The following PARN variants were observed in gnomAD, a reference collection of about 807,000 sequenced individuals.
PARN encodes poly(A)-specific ribonuclease.
Under a neutral mutation model 102.8 loss-of-function variants are expected in PARN, and 71 were observed. That is an observed-to-expected ratio of 0.69 (90% CI 0.57 to 0.84). PARN has a LOEUF of 0.84. Ranked by LOEUF, PARN falls within the 40% of genes least tolerant of loss-of-function variation. PARN has a pLI of 0.00. For missense variants in PARN, 782 were observed against 760.9 expected, an observed-to-expected ratio of 1.03 and a Z score of -0.33; for synonymous variants, 261 against 252.9, an observed-to-expected ratio of 1.03 and a Z score of -0.30.
chr16:14,586,512 T>C (rs951190100), intron 13 of PARN, among the ~76,000 whole-genome samples, 151 bp from the exon 14 acceptor site: 15 of 152,052 alleles, frequency 9.9e-5, no homozygotes, highest in Admixed American at 7.9e-4. Flanking sequence ...AGTTAACAAG[T>C]ACAAAAAAAA....
intron 21 of PARN, among the ~76,000 whole-genome samples, chr16:14,494,515 G>A (rs1181945312): frequency 2.6e-5 from 4 of 152,212 alleles, no homozygotes; most frequent in Non-Finnish European, 5.9e-5. Flanking sequence ...AATTCTGGAG[G>A]TGGGGAACTG....
intron 22 of PARN, among the ~76,000 whole-genome samples, chr16:14,452,013 C>T (rs1961486302): frequency 6.6e-6 from 1 of 151,974 alleles, no homozygotes; most frequent in African/African-American, 2.4e-5. Context: ...GACCAGCCCA[C>T]TGCACTCCAG....
At chr16:14,577,327 A>C (rs962336583) in intron 18 of PARN, among the ~76,000 whole-genome samples, 1 of 152,204 alleles carries the variant, frequency 6.6e-6, no homozygotes, top group Non-Finnish European at 1.5e-5. Context: ...ATCCTAAATC[A>C]CCTGCAAGTA....
At chr16:14,464,183 CCA>C in intron 22 of PARN, among the ~76,000 whole-genome samples, 1 of 152,002 alleles carries the variant, frequency 6.6e-6, no homozygotes, top group Non-Finnish European at 1.5e-5. Flanking sequence ...ATCCAGAAAT[CCA>C]AGAAGCTCAG....
chr16:14,621,098 A>G (rs1972267384), intron 5 of PARN, among the ~76,000 whole-genome samples: 1 of 152,244 alleles, frequency 6.6e-6, no homozygotes, highest in Non-Finnish European at 1.5e-5. Flanking sequence ...AGGCTTTTAT[A>G]CTTTACAACA....
At chr16:14,587,584 A>C (rs1969937871) in intron 13 of PARN, among the ~76,000 whole-genome samples, 1 of 152,182 alleles carries the variant, frequency 6.6e-6, no homozygotes, top group Admixed American at 6.5e-5. Flanking sequence ...TTCTCCTGTA[A>C]CAGCCTCTCA....
intron 5 of PARN, among the ~76,000 whole-genome samples, chr16:14,621,127 C>G (rs557513036): frequency 1.2e-4 from 18 of 152,142 alleles, no homozygotes; most frequent in Admixed American, 9.8e-4. Context: ...TTCCCTACCC[C>G]CACTTCTTTT....
Position 14,610,738 on chromosome 16 carries a change from T to A in PARN, c.460A>T (p.Asn154Tyr), listed in dbSNP as rs1033828257. 1.9e-6 allele frequency: 3 copies of A among 1,608,116 alleles called. No homozygotes were observed. The highest frequency in any genetic ancestry group is 2.6e-6 in the Non-Finnish European group (3 of 1,174,578). The change falls in exon 7 of 24, where the codon AAT (asparagine) becomes TAT (tyrosine). Residue 154 changes from asparagine (N) to tyrosine (Y), a missense_variant. Transcript: ENST00000437198. The part of the protein sequence containing the change: ...EQYDEKRSQA[N>Y]GAGALSYVSP... The stretch of plus-strand genomic sequence containing the variant: ...ACATAGGACAGAGCTCCTGCACCAT[T>A]CGCCTGTGAACGTTTTTCATCATAC...
chr16:14,528,885 T>TAA (rs1966159994), intron 21 of PARN, among the ~76,000 whole-genome samples: 1 of 152,216 alleles, frequency 6.6e-6, no homozygotes, highest in South Asian at 2.1e-4. Context: ...GATTACTTTA[T>TAA]AAGTATTTCT....
intron 6 of PARN, among the ~76,000 whole-genome samples, chr16:14,616,316 G>A (rs1423012091): frequency 1.3e-5 from 2 of 152,174 alleles, no homozygotes; most frequent in African/African-American, 2.4e-5. Context: ...AAGGGGATGT[G>A]AAAAGAACAA....
intron 12 of PARN, among the ~76,000 whole-genome samples, chr16:14,594,119 C>T (rs1264917051): frequency 1.3e-5 from 2 of 152,054 alleles, no homozygotes; most frequent in Non-Finnish European, 2.9e-5. Flanking sequence ...TTAAAAGATA[C>T]ATTCATACCA....
chr16:14,581,021 TA>T (rs1969501961), intron 17 of PARN, 78 bp from the exon 18 acceptor site: 1 of 786,470 alleles, frequency 1.3e-6, no homozygotes, highest in Admixed American at 2.0e-5. Context: ...AAAACAGATT[TA>T]AATTAACAGC....
At chr16:14,454,727 A>G (rs1031279466) in intron 22 of PARN, among the ~76,000 whole-genome samples, 7 of 152,242 alleles carry the variant, frequency 4.6e-5, no homozygotes, top group African/African-American at 1.7e-4. Flanking sequence ...CCAAATTCTC[A>G]ACAGTCATTA....
At chr16:14,532,310 A>G (rs1184195792) in intron 21 of PARN, among the ~76,000 whole-genome samples, 1 of 151,606 alleles carries the variant, frequency 6.6e-6, no homozygotes, top group Non-Finnish European at 1.5e-5. Flanking sequence ...TTTCCTAGGC[A>G]GAGGACCCTG....
intron 9 of PARN, 29 bp downstream of exon 9, chr16:14,608,252 G>C (rs955812307): frequency 6.1e-6 from 9 of 1,479,866 alleles, no homozygotes; most frequent in Admixed American, 2.1e-5. Flanking sequence ...GTCCCCCACA[G>C]AGCTGCTGCA....
At chr16:14,573,578 G>T (rs1968937029) in intron 18 of PARN, among the ~76,000 whole-genome samples, 1 of 152,172 alleles carries the variant, frequency 6.6e-6, no homozygotes, top group Non-Finnish European at 1.5e-5. Context: ...AACCTCGACG[G>T]AAGATGATAC....
intron 18 of PARN, among the ~76,000 whole-genome samples, chr16:14,568,802 G>A (rs993177059): frequency 4.0e-5 from 6 of 151,420 alleles, no homozygotes; most frequent in Non-Finnish European, 5.9e-5. Context: ...GGCTGAGAAA[G>A]GGGAATCGCT....
chr16:14,456,322 A>AC (rs1413570660), intron 22 of PARN, among the ~76,000 whole-genome samples: 8 of 151,982 alleles, frequency 5.3e-5, no homozygotes, highest in African/African-American at 1.9e-4. Context: ...GGCATGCACT[A>AC]CCACACCTGA....
chr16:14,457,312 T>C (rs1374183869), intron 22 of PARN, among the ~76,000 whole-genome samples: 3 of 152,056 alleles, frequency 2.0e-5, no homozygotes, highest in African/African-American at 7.2e-5. Flanking sequence ...ATCCGGTAAG[T>C]GGGAGCTAGA....
Sources: allele counts gnomAD v4.1 joint callset (sites outside exome capture counted in the v4.1 genomes callset), GRCh38; gene constraint gnomAD v4.1.1; transcripts MANE v1.5; gene names NCBI Gene and HGNC (gene_info 2026-07-23, HGNC 2026-07-21).